Variants in SLC24A2 observed in about 807,000 individuals in gnomAD.
The protein encoded by SLC24A2 is solute carrier family 24 member 2, also known as sodium/potassium/calcium exchanger 2.
In SLC24A2, 36 loss-of-function variants were observed where a neutral mutation model predicts 62.0. The observed-to-expected ratio is 0.58, with a 90% CI of 0.44 to 0.77. The LOEUF is 0.77. Among genes scored for constraint, SLC24A2 ranks in the 30% least tolerant of loss-of-function variants. The pLI is 0.00. For missense variants in SLC24A2, 846 were observed against 817.9 expected, an observed-to-expected ratio of 1.03 and a Z score of -0.42; for synonymous variants, 358 against 294.0, an observed-to-expected ratio of 1.22 and a Z score of -2.23.
At chr9:20,287,371 C>T in the SLC24A2 span, among the ~76,000 whole-genome samples, 1 of 152,086 alleles carries the variant, frequency 6.6e-6, no homozygotes, top group African/African-American at 2.4e-5. Context: ...TCATAGCAGC[C>T]CAATGGCCAG....
chr9:20,056,131 A>G, the SLC24A2 span, among the ~76,000 whole-genome samples: 2 of 152,214 alleles, frequency 1.3e-5, no homozygotes, highest in Non-Finnish European at 2.9e-5. Flanking sequence ...AAGTTGTGGG[A>G]TTTAAATGAG....
the SLC24A2 span, among the ~76,000 whole-genome samples, chr9:20,172,997 T>C: frequency 6.6e-6 from 1 of 152,080 alleles, no homozygotes; most frequent in East Asian, 1.9e-4. Flanking sequence ...ATCAAGTGGG[T>C]TTCATACCAG....
At chr9:20,262,922 C>T in the SLC24A2 span, among the ~76,000 whole-genome samples, 1 of 152,130 alleles carries the variant, frequency 6.6e-6, no homozygotes, top group Non-Finnish European at 1.5e-5. Context: ...GAACAGGAAC[C>T]ATGGTGTTTT....
At chr9:19,813,716 T>A in the SLC24A2 span, among the ~76,000 whole-genome samples, 2 of 152,126 alleles carry the variant, frequency 1.3e-5, no homozygotes, top group Non-Finnish European at 2.9e-5. Context: ...AGTGATGATA[T>A]TTGGAGGTGG....
At chr9:19,551,165 C>G (rs1834823397) in intron 7 of SLC24A2, among the ~76,000 whole-genome samples, 1 of 152,180 alleles carries the variant, frequency 6.6e-6, no homozygotes, top group Admixed American at 6.5e-5. Flanking sequence ...GAGTTGGTCA[C>G]CTGCTTAACC....
At chr9:20,178,336 G>C in the SLC24A2 span, among the ~76,000 whole-genome samples, 4 of 152,140 alleles carry the variant, frequency 2.6e-5, 1 homozygote, top group African/African-American at 9.7e-5. Context: ...CTAGACTGCT[G>C]TCTGCCTCCC....
At chr9:20,256,465 T>TG in the SLC24A2 span, among the ~76,000 whole-genome samples, 21 of 152,206 alleles carry the variant, frequency 1.4e-4, no homozygotes, top group African/African-American at 4.8e-4. Context: ...GTAGAGTGTC[T>TG]GGGCCTGCAC....
chr9:19,964,457 G>T, the SLC24A2 span, among the ~76,000 whole-genome samples: 1 of 152,190 alleles, frequency 6.6e-6, no homozygotes, highest in African/African-American at 2.4e-5. Flanking sequence ...CTAGGTGCAT[G>T]CTAAGTGCCA....
rs550062981 is a variant in SLC24A2, at chr9:19,735,571, G to A, written c.930+50366C>T. On this transcript the variant is annotated intron_variant, in intron 2 of 10. Transcript: ENST00000341998. ...ACACATGCACATGTATGTTTATTGC[G>A]GCACTATTCACGACAGCAAAGACTT... Among the ~76,000 whole-genome samples the A allele has an allele frequency of 2.0e-4, 31 of 152,186 alleles. No homozygotes were observed. In the South Asian group the frequency reaches 4.8e-3, roughly 23 times the overall value.
At chr9:19,835,184 C>G in the SLC24A2 span, among the ~76,000 whole-genome samples, 1 of 152,162 alleles carries the variant, frequency 6.6e-6, no homozygotes, top group East Asian at 1.9e-4. Flanking sequence ...GCAAAATAAC[C>G]AGCTAACATC....
chr9:19,946,071 A>C, the SLC24A2 span, among the ~76,000 whole-genome samples: 1 of 152,174 alleles, frequency 6.6e-6, no homozygotes, highest in Non-Finnish European at 1.5e-5. Flanking sequence ...CAATGGCAAA[A>C]ACTGGTAAAA....
the SLC24A2 span, among the ~76,000 whole-genome samples, chr9:20,069,953 C>G: frequency 1.3e-5 from 2 of 152,170 alleles, no homozygotes; most frequent in Non-Finnish European, 2.9e-5. Flanking sequence ...CCATCTGTAT[C>G]TACACAACTT....
At chr9:20,127,840 T>C in the SLC24A2 span, among the ~76,000 whole-genome samples, 1 of 152,174 alleles carries the variant, frequency 6.6e-6, no homozygotes, top group Non-Finnish European at 1.5e-5. Context: ...TTTAGTCTTG[T>C]GGCAGTTTCT....
intron 2 of SLC24A2, among the ~76,000 whole-genome samples, chr9:19,709,955 C>G (rs1236329277): frequency 6.6e-6 from 1 of 151,914 alleles, no homozygotes; most frequent in African/African-American, 2.4e-5. Context: ...GAGAGCTAAA[C>G]CTCTTCCTCT....
intron 9 of SLC24A2, among the ~76,000 whole-genome samples, chr9:19,523,110 C>T (rs1833276040): frequency 6.6e-6 from 1 of 152,168 alleles, no homozygotes; most frequent in African/African-American, 2.4e-5. Flanking sequence ...TGAGCCTGGA[C>T]ATTTGAGACC....
intron 2 of SLC24A2, among the ~76,000 whole-genome samples, chr9:19,657,345 T>C (rs945629784): frequency 5.3e-5 from 8 of 152,108 alleles, no homozygotes; most frequent in African/African-American, 1.9e-4. Context: ...TCAGATCTAC[T>C]CACAGTTCTC....
intron 4 of SLC24A2, among the ~76,000 whole-genome samples, chr9:19,611,473 A>G (rs1281607077): frequency 1.4e-5 from 2 of 146,988 alleles, no homozygotes; most frequent in Admixed American, 6.8e-5. Context: ...GGAAGAGAGG[A>G]GGCGGGAGGG....
At chr9:19,788,822 G>C (rs976002366) in intron 1 of SLC24A2, 63 bp downstream of exon 1, 2 of 985,330 alleles carry the variant, frequency 2.0e-6, no homozygotes, top group Admixed American at 6.1e-5. Context: ...CGCGCAACCG[G>C]GATGCGGGGA....
At chr9:20,235,331 C>G in the SLC24A2 span, among the ~76,000 whole-genome samples, 2 of 152,252 alleles carry the variant, frequency 1.3e-5, no homozygotes, top group Non-Finnish European at 2.9e-5. Context: ...GAGGTGGAGC[C>G]TACAGAGGCA....
Sources: gnomAD v4.1 joint callset for allele counts (sites outside exome capture counted in the v4.1 genomes callset) on GRCh38, gnomAD v4.1.1 for gene constraint, MANE v1.5 for transcripts, NCBI Gene and HGNC (gene_info 2026-07-23, HGNC 2026-07-21) for gene names.